The following NSUN7 variants were observed in gnomAD, a reference collection of about 807,000 sequenced individuals.
The protein encoded by NSUN7 is protein NSUN7.
In NSUN7, 39 loss-of-function variants were observed where a neutral mutation model predicts 58.5. That is an observed-to-expected ratio of 0.67 (90% CI 0.52 to 0.87). The LOEUF is 0.87. NSUN7 is among the 40% of genes least tolerant of loss of function. NSUN7 has a pLI of 0.00. For synonymous variants in NSUN7, 278 were observed against 303.7 expected, an observed-to-expected ratio of 0.92 and a Z score of 0.88; for missense variants, 765 against 844.1, an observed-to-expected ratio of 0.91 and a Z score of 1.16.
intron 7 of NSUN7, among the ~76,000 whole-genome samples, chr4:40,787,224 C>A (rs1464957581): frequency 2.6e-5 from 4 of 151,602 alleles, no homozygotes; most frequent in Non-Finnish European, 4.4e-5. Flanking sequence ...AACCAGAGAC[C>A]TTTGTTCATG....
Position 40,750,985 on chromosome 4 carries a change from C to T in NSUN7, c.292C>T (p.Leu98=). Residue 98 remains leucine, a synonymous_variant, in exon 2 of 12, where the codon CTG becomes TTG. Transcript: ENST00000381782. ...RLSYELAFSA[L]KYQDILETIL... Reference sequence around the variant, plus strand: ...GTCTTATGAGCTGGCTTTCAGTGCCCTGAAATGTGAGTTGTGCCAGTCTGG... The same window carrying T: ...GTCTTATGAGCTGGCTTTCAGTGCCTTGAAATGTGAGTTGTGCCAGTCTGG... 6.2e-7 allele frequency: 1 copy of T among 1,613,050 alleles called. No individual in the cohort carries two copies. Among genetic ancestry groups the T allele is most frequent in the Non-Finnish European group, 8.5e-7 (1 of 1,179,120 alleles).
intron 9 of NSUN7, among the ~76,000 whole-genome samples, chr4:40,795,092 A>G (rs1387911723): frequency 1.3e-5 from 2 of 152,346 alleles, no homozygotes; most frequent in African/African-American, 4.8e-5. Context: ...ATATTTATAA[A>G]GTGCTCACTT....
rs1326633988 is a variant in NSUN7, at chr4:40,761,263, C to A, written c.450C>A (p.Pro150=). The A allele has an allele frequency of 1.3e-6, 2 of 1,595,182 alleles. No homozygotes were observed. Among genetic ancestry groups the A allele is most frequent in the Admixed American group, 3.7e-5 (2 of 54,740 alleles). The change falls in exon 4 of 12, where the codon CCC becomes CCA. Residue 150 remains proline (P), a synonymous_variant. Transcript: ENST00000381782. ...GTGTCCTTTCTGATAATGAAGAGCC[C>A]ATATCAGAAGTTCAAGAAGTAGAGA... ...QTRVLSDNEE[P]ISEVQEVENL...
chr4:40,788,076 G>A lies in NSUN7; in HGVS notation c.1037-2526G>A, dbSNP rs375040443. ...TCTCAAACTCCCGACCTCGTGATCC[G>A]CCCACCTCGGCCTCCCAAAGTGCTG... is the stretch of plus-strand genomic sequence containing the variant. On this transcript the variant is annotated intron_variant, in intron 7 of 11. Coordinates refer to ENST00000381782, the MANE Select transcript of NSUN7 (RefSeq NM_024677.6). 1.3e-4 allele frequency among the ~76,000 whole-genome samples: 20 copies of A among 152,248 alleles called. No individual in the cohort carries two copies. The East Asian group carries it at 1.4e-3, about 10-fold the overall frequency.
Position 40,794,496 on chromosome 4 carries a change from C to T in NSUN7, c.1282+20C>T. The stretch of plus-strand genomic sequence containing the variant: ...TGAAATGTAAGGTTGTCATAGGCAC[C>T]ATCTTGTTAAAATAAGGTGTACATT... On this transcript the variant is annotated intron_variant, in intron 9 of 11. Transcript: ENST00000381782. The T allele has an allele frequency of 7.1e-7, 1 of 1,409,478 alleles. No individual in the cohort carries two copies. The highest frequency in any genetic ancestry group is 1.0e-6 in the Non-Finnish European group (1 of 997,936). 87.3% of individuals were successfully genotyped at this position (1,409,478 alleles called of 1,614,324 possible). A position where few individuals can be genotyped will look rare whatever the true frequency, so the allele number is the denominator to read the frequency against.
intron 4 of NSUN7, among the ~76,000 whole-genome samples, chr4:40,772,084 C>A (rs1181937369): frequency 2.6e-5 from 4 of 152,060 alleles, no homozygotes; most frequent in Admixed American, 2.6e-4. Flanking sequence ...TGTATAACTG[C>A]ATGTACACTT....
At chr4:40,769,976 G>A (rs576429501) in intron 4 of NSUN7, among the ~76,000 whole-genome samples, 30 of 152,214 alleles carry the variant, frequency 2.0e-4, no homozygotes, top group African/African-American at 6.5e-4. Flanking sequence ...TTGGGAGGCC[G>A]AGGCGGGTGG....
intron 3 of NSUN7, among the ~76,000 whole-genome samples, chr4:40,760,911 CTCTTAAA>C (rs145239453): frequency 0.016 from 2,484 of 150,628 alleles, 65 homozygotes; most frequent in African/African-American, 0.058. Context: ...ATATTGAAAC[CTCTTAAA>C]TCTTAAATAT....
intron 7 of NSUN7, 37 bp from the exon 8 acceptor site, chr4:40,790,565 A>C (rs1314372727): frequency 2.3e-6 from 3 of 1,317,126 alleles, no homozygotes; most frequent in Non-Finnish European, 2.1e-6. Context: ...ATTTTTCATT[A>C]ATATTTTACA....
chr4:40,758,557 G>A (rs766446952), intron 2 of NSUN7, among the ~76,000 whole-genome samples: 5 of 152,076 alleles, frequency 3.3e-5, no homozygotes, highest in African/African-American at 4.8e-5. Flanking sequence ...CAGGCATGGT[G>A]TCTCACGCCT....
At position 40,750,729 on chromosome 4, in the gene NSUN7, CGAA is replaced by C. The variant is rs1281972185; in HGVS notation, c.42_44del (p.Glu14del). On this transcript the variant is annotated inframe_deletion, in exon 2 of 12. Coordinates refer to ENST00000381782, the MANE Select transcript of NSUN7 (RefSeq NM_024677.6). ...CCACGGGCGAACTGGAGTTTTCGAA[CGAA>C]GAAGATCCCGAGATCATCTCCCAAC... 3 of 1,613,742 alleles carry C rather than the reference CGAA, an allele frequency of 1.9e-6. No individual in the cohort carries two copies. The highest frequency in any genetic ancestry group is 1.1e-5 in the South Asian group (1 of 91,072).
At chr4:40,807,669 C>CG (rs1235016842) in intron 11 of NSUN7, among the ~76,000 whole-genome samples, 5 of 152,034 alleles carry the variant, frequency 3.3e-5, no homozygotes, top group Admixed American at 3.3e-4. Flanking sequence ...ATACTTCCCC[C>CG]GAGTGTTCCT....
At chr4:40,760,692 G>A (rs57108134) in intron 3 of NSUN7, among the ~76,000 whole-genome samples, 200 bp downstream of exon 3, 1 of 151,772 alleles carries the variant, frequency 6.6e-6, no homozygotes, top group Admixed American at 6.6e-5. Flanking sequence ...GAGAAACCTG[G>A]CTCTACTAAA....
At chr4:40,781,299 C>T (rs1052599494) in intron 7 of NSUN7, among the ~76,000 whole-genome samples, 2 of 152,120 alleles carry the variant, frequency 1.3e-5, no homozygotes, top group Admixed American at 1.3e-4. Context: ...GATCCACCTG[C>T]CTTGGTCTCC....
intron 7 of NSUN7, among the ~76,000 whole-genome samples, chr4:40,789,606 A>G (rs1382112672): frequency 6.6e-6 from 1 of 152,164 alleles, no homozygotes; most frequent in African/African-American, 2.4e-5. Flanking sequence ...CAGATGAAAC[A>G]AGATTGACTG....
In NSUN7 at chr4:40,760,452, C is replaced by T. The variant is rs1741393691; in HGVS notation, c.317C>T (p.Thr106Ile). The T allele has an allele frequency of 1.2e-6, 2 of 1,609,648 alleles. No homozygotes were observed. Among genetic ancestry groups the T allele is most frequent in the Non-Finnish European group, 1.7e-6 (2 of 1,177,614 alleles). ...TTTGCAGATCAAGATATTTTGGAAA[C>T]TATATTGATAGACAGCTGTATCTTC... Reference protein sequence around the residue: ...SALKYQDILETILIDSCIFPS... With the variant: ...SALKYQDILEIILIDSCIFPS... Residue 106 changes from threonine (T) to isoleucine (I), a missense_variant, in exon 3 of 12, where the codon ACT (threonine) becomes ATT (isoleucine). Transcript: ENST00000381782.
At chr4:40,794,920 G>T (rs1302198416) in intron 9 of NSUN7, among the ~76,000 whole-genome samples, 5 of 152,168 alleles carry the variant, frequency 3.3e-5, no homozygotes, top group Non-Finnish European at 7.4e-5. Context: ...AGAAAGCCTA[G>T]ATCTCTTGAT....
intron 7 of NSUN7, among the ~76,000 whole-genome samples, chr4:40,788,882 G>A (rs965260851): frequency 6.6e-6 from 1 of 152,214 alleles, no homozygotes; most frequent in Admixed American, 6.5e-5. Context: ...GCTCTCTGCA[G>A]TTCTTACATC....
chr4:40,807,018 G>T, intron 10 of NSUN7, 43 bp from the exon 11 acceptor site: 1 of 1,539,292 alleles, frequency 6.5e-7, no homozygotes, highest in African/African-American at 1.4e-5. Flanking sequence ...TCTTGGCAAA[G>T]AAGCCATTCT....
Sources: allele counts gnomAD v4.1 joint callset (sites outside exome capture counted in the v4.1 genomes callset), GRCh38; gene constraint gnomAD v4.1.1; transcripts MANE v1.5; gene names NCBI Gene and HGNC (gene_info 2026-07-23, HGNC 2026-07-21).